KRT19: variants seen among roughly 807,000 people sequenced by gnomAD.
KRT19 encodes the protein keratin 19, also known as keratin, type I cytoskeletal 19.
Under a neutral mutation model 34.6 loss-of-function variants are expected in KRT19, and 21 were observed. The observed-to-expected ratio is 0.61, with a 90% CI of 0.43 to 0.87. KRT19 has a LOEUF of 0.87. Ranked by LOEUF, KRT19 falls within the 40% of genes least tolerant of loss-of-function variation. The pLI, the probability that KRT19 is intolerant of heterozygous loss-of-function variation, is 0.00. For missense variants in KRT19, 514 were observed against 545.7 expected, an observed-to-expected ratio of 0.94 and a Z score of 0.58; for synonymous variants, 240 against 245.8, an observed-to-expected ratio of 0.98 and a Z score of 0.22.
intron 2 of KRT19, 53 bp from the exon 3 acceptor site, chr17:41,525,052 A>T: frequency 6.2e-7 from 1 of 1,604,106 alleles, no homozygotes; most frequent in South Asian, 1.1e-5. Flanking sequence ...ATCTCTGAAG[A>T]CTTCCCTACC....
In KRT19 at chr17:41,528,016, C is replaced by T. The variant is rs923717244; in HGVS notation, c.232G>A (p.Gly78Ser). Residue 78 changes from glycine (G) to serine (S), a missense_variant, in exon 1 of 6, where the codon GGC becomes AGC. Transcript: ENST00000361566. ...TTCTGCATGGTTAGCTTCTCGTTGC[C>T]CGCCAGCAGCCCGTCGGACGCGGTC... is the stretch of plus-strand genomic sequence containing the variant. ...VLTASDGLLA[G>S]NEKLTMQNLN... is the part of the protein sequence containing the mutation. 4 of 1,613,042 alleles carry T rather than the reference C, an allele frequency of 2.5e-6. No individual in the cohort carries two copies. In the African/African-American group the frequency reaches 4.0e-5, roughly 16 times the overall value.
In KRT19 at chr17:41,523,860, C is replaced by T. The variant is rs1405575841; in HGVS notation, c.1086G>A (p.Glu362=). The T allele has an allele frequency of 3.7e-6, 6 of 1,614,088 alleles. No individual in the cohort carries two copies. The highest frequency in any genetic ancestry group is 5.1e-6 in the Non-Finnish European group (6 of 1,180,044). The change falls in exon 6 of 6, where the codon GAG becomes GAA. Residue 362 remains glutamate (E), a synonymous_variant. Coordinates refer to ENST00000361566, the MANE Select transcript of KRT19 (RefSeq NM_002276.5). The part of the protein sequence containing the change: ...VRADSERQNQ[E]YQRLMDIKSR... ...ACTTGATGTCCATGAGCCGCTGGTA[C>T]TCCTGATTCTGCCGCTCACTATCAG...
rs1357660544 is a variant in KRT19 at position 41,527,905 on chromosome 17, A to G, written c.343T>C (p.Trp115Arg). Reference sequence around the variant, plus strand: ...GGCCCAGGCCCCTGCTTCTGGTACCAGTCGCGGATCTTCACCTCTAGCTCG... The same window carrying G: ...GGCCCAGGCCCCTGCTTCTGGTACCGGTCGCGGATCTTCACCTCTAGCTCG... ...NGELEVKIRD[W>R]YQKQGPGPSR... Residue 115 changes from tryptophan (W) to arginine (R), a missense_variant, in exon 1 of 6, where the codon TGG (tryptophan) becomes CGG (arginine). Transcript: ENST00000361566. The G allele has an allele frequency of 6.2e-7, 1 of 1,613,680 alleles. No individual in the cohort carries two copies. Among genetic ancestry groups the G allele is most frequent in the East Asian group, 2.2e-5 (1 of 44,834 alleles).
At chr17:41,525,504 A>T in intron 1 of KRT19, 2 of 513,022 alleles carry the variant, frequency 3.9e-6, no homozygotes, top group Non-Finnish European at 7.0e-6. Context: ...TGGGTGGGGG[A>T]GGGCAGGAAG....
At chr17:41,526,529 T>C (rs1458360872) in intron 1 of KRT19, among the ~76,000 whole-genome samples, 1 of 143,970 alleles carries the variant, frequency 6.9e-6, no homozygotes, top group Non-Finnish European at 1.5e-5. Flanking sequence ...TACAGCTCGC[T>C]GCAAGGCACA....
chr17:41,524,386 G>A lies in KRT19; in HGVS notation c.815C>T (p.Thr272Ile). 4.3e-6 allele frequency: 7 copies of A among 1,614,126 alleles called. No homozygotes were observed. The highest frequency in any genetic ancestry group is 1.1e-5 in the South Asian group (1 of 91,088). Residue 272 changes from threonine to isoleucine, a missense_variant, in exon 4 of 6, where the codon ACC (threonine) becomes ATC (isoleucine). Thr to Ile is a moderately conservative substitution (Grantham distance 89). Coordinates refer to ENST00000361566, the MANE Select transcript of KRT19 (RefSeq NM_002276.5). ...CTGCTTCCCTCTACCTACCCGGCTG[G>A]TGAACCAGGCTTCAGCATCCTTCCG... ...QNRKDAEAWF[T>I]SRTEELNREV...
chr17:41,527,450 C>T (rs1292530132), intron 1 of KRT19, among the ~76,000 whole-genome samples: 4 of 152,250 alleles, frequency 2.6e-5, no homozygotes, highest in African/African-American at 4.8e-5. Context: ...TCGCATCTTC[C>T]TGCGGCAGCG....
At position 41,524,431 on chromosome 17, in the gene KRT19, TC is replaced by T; in HGVS notation, c.769del (p.Glu257ArgfsTer22). The T allele has an allele frequency of 6.8e-6, 11 of 1,614,126 alleles. No homozygotes were observed. The highest frequency in any genetic ancestry group is 9.3e-6 in the Non-Finnish European group (11 of 1,180,014). ...CTTCCGGTTCTGCTCGGCCATGACC[TC>T]ATATTGGCTTCGCATGTCACTCAGG... ...KILSDMRSQYEVMAEQNRKDA... is the reference protein window; with the variant it reads ...KILSDMRSQYXVMAEQNRKDA... On this transcript the variant is annotated frameshift_variant, in exon 4 of 6. Transcript: ENST00000361566. LOFTEE classifies it high-confidence loss of function.
At position 41,523,902 on chromosome 17, in the gene KRT19, C is replaced by A. The variant is rs756817644; in HGVS notation, c.1044G>T (p.Gln348His). The A allele has an allele frequency of 6.2e-7, 1 of 1,614,014 alleles. No homozygotes were observed. The highest frequency in any genetic ancestry group is 8.5e-7 in the Non-Finnish European group (1 of 1,180,046). ...CACTATCAGCTCGCACATCGCCCAG[C>A]TGGGCTTCAATACCGCTGATCAGCG... Reference protein sequence around the residue: ...IQALISGIEAQLGDVRADSER... With the variant: ...IQALISGIEAHLGDVRADSER... Residue 348 changes from glutamine to histidine, a missense_variant, in exon 6 of 6, where the codon CAG becomes CAT. By Grantham distance (24) the Gln-to-His change is conservative (BLOSUM62 0). Transcript: ENST00000361566.
intron 1 of KRT19, among the ~76,000 whole-genome samples, chr17:41,526,018 C>T (rs1349625516): frequency 6.6e-6 from 1 of 152,198 alleles, no homozygotes; most frequent in Non-Finnish European, 1.5e-5. Context: ...GTCACCCAGG[C>T]TGGAGTGCAG....
In KRT19 at chr17:41,528,197, G is replaced by A. The variant is rs1414736240; in HGVS notation, c.51C>T (p.Gly17=). Residue 17 remains glycine (G), a synonymous_variant, in exon 1 of 6, where the codon GGC becomes GGT. Coordinates refer to ENST00000361566, the MANE Select transcript of KRT19 (RefSeq NM_002276.5). The part of the protein sequence containing the change: ...RQSSATSSFG[G]LGGGSVRFGP... The stretch of plus-strand genomic sequence containing the variant: ...CAAAACGCACGGAGCCGCCGCCCAG[G>A]CCTCCGAAGGACGACGTGGCCGACG... The A allele has an allele frequency of 6.3e-7, 1 of 1,586,432 alleles. No homozygotes were observed. Among genetic ancestry groups the A allele is most frequent in the Non-Finnish European group, 8.5e-7 (1 of 1,173,912 alleles).
At chr17:41,524,738 T>G in intron 3 of KRT19, 105 bp downstream of exon 3, 4 of 1,369,488 alleles carry the variant, frequency 2.9e-6, no homozygotes, top group Non-Finnish European at 3.1e-6. Context: ...AGGGCCATGG[T>G]GAGGGTGCAC....
chr17:41,524,876 T>C lies in KRT19; in HGVS notation c.627A>G (p.Glu209=). The C allele has an allele frequency of 6.8e-6, 11 of 1,614,148 alleles. No homozygotes were observed. The highest frequency in any genetic ancestry group is 9.3e-6 in the Non-Finnish European group (11 of 1,180,016). Residue 209 remains glutamate, a synonymous_variant, in exon 3 of 6, where the codon GAA becomes GAG. Coordinates refer to ENST00000361566, the MANE Select transcript of KRT19 (RefSeq NM_002276.5). ...DLEMQIEGLK[E]ELAYLKKNHE... ...GGTTCTTCTTCAGGTAGGCCAGCTC[T>C]TCCTTCAGGCCTTCGATCTGCATCT... is the stretch of plus-strand genomic sequence containing the variant.
chr17:41,527,868 T>TAC lies in KRT19; in HGVS notation c.379_380insGT (p.Tyr127CysfsTer52). On this transcript the variant is annotated frameshift_variant, in exon 1 of 6. Transcript: ENST00000361566. LOFTEE classifies it high-confidence loss of function. ...CTGGATGGTCGTGTAGTAGTGGCTG[T>TAC]AGTCGCGGGAGGGCCCAGGCCCCTG... 1 of 1,611,834 alleles carries TAC rather than the reference T, an allele frequency of 6.2e-7. No individual in the cohort carries two copies.
At chr17:41,524,644 T>C (rs2144534349) in intron 3 of KRT19, 104 bp from the exon 4 acceptor site, 1 of 1,361,344 alleles carries the variant, frequency 7.3e-7, no homozygotes, top group Non-Finnish European at 1.0e-6. Flanking sequence ...AGTTTTCAGG[T>C]GCAGGCCTAG....
Position 41,524,950 on chromosome 17 carries a change from C to A in KRT19, c.553G>T (p.Gly185Cys), listed in dbSNP as rs1384532793. The change falls in exon 3 of 6, where the codon GGC (glycine) becomes TGC (cysteine). Residue 185 changes from glycine to cysteine, a missense_variant. Gly to Cys is a radical substitution (Grantham distance 159). Transcript: ENST00000361566. ...LRMSVEADIN[G>C]LRRVLDELTL... The stretch of plus-strand genomic sequence containing the variant: ...AGCTCATCCAGCACCCTGCGCAGGC[C>A]GTTGATGTCGGCCTCCACGCTCATG... The A allele has an allele frequency of 2.5e-6, 4 of 1,614,204 alleles. No homozygotes were observed. In the East Asian group the frequency reaches 6.7e-5, roughly 27 times the overall value.
chr17:41,525,762 A>G (rs951332752), intron 1 of KRT19: 1 of 165,748 alleles, frequency 6.0e-6, no homozygotes, highest in Non-Finnish European at 1.3e-5. Flanking sequence ...CCTATCTTAC[A>G]GAGGTGGAAA....
rs1597781256 is a variant in KRT19 at position 41,525,006 on chromosome 17, A to G, written c.504-7T>C. ...AGCCTGTTCCGTCTCAAACCTTTCAAAGGAAATAGTTGCAGCCAGGCAGAG... is the reference window on the plus strand; with the variant it reads ...AGCCTGTTCCGTCTCAAACCTTTCAGAGGAAATAGTTGCAGCCAGGCAGAG... On this transcript the variant is annotated splice_polypyrimidine_tract_variant and splice_region_variant and intron_variant, in intron 2 of 5. Transcript: ENST00000361566. 6.2e-7 allele frequency: 1 copy of G among 1,612,174 alleles called. No homozygotes were observed. Among genetic ancestry groups the G allele is most frequent in the East Asian group, 2.2e-5 (1 of 44,832 alleles).
Position 41,528,151 on chromosome 17 carries a change from C to G in KRT19, c.97G>C (p.Ala33Pro). 1 of 1,598,738 alleles carries G rather than the reference C, an allele frequency of 6.3e-7. No individual in the cohort carries two copies. Among genetic ancestry groups the G allele is most frequent in the Non-Finnish European group, 8.5e-7 (1 of 1,176,124 alleles). The change falls in exon 1 of 6, where the codon GCG (alanine) becomes CCG (proline). Residue 33 changes from alanine (A) to proline (P), a missense_variant. Physicochemically the swap from Ala to Pro is conservative, Grantham distance 27. Transcript: ENST00000361566. Reference protein sequence around the residue: ...VRFGPGVAFRAPSIHGGSGGR... With the variant: ...VRFGPGVAFRPPSIHGGSGGR... ...CCGGAGCCCCCGTGAATGCTGGGCG[C>G]GCGAAAGGCGACCCCCGGCCCAAAA...
Sources: allele counts gnomAD v4.1 joint callset (sites outside exome capture counted in the v4.1 genomes callset), GRCh38; gene constraint gnomAD v4.1.1; transcripts MANE v1.5; gene names NCBI Gene and HGNC (gene_info 2026-07-23, HGNC 2026-07-21).